The following HAT1 variants were observed in gnomAD, a reference collection of about 807,000 sequenced individuals.
The protein encoded by HAT1 is histone acetyltransferase 1.
A neutral mutation model predicts 56.6 loss-of-function variants in HAT1; 20 were observed. The observed-to-expected ratio is 0.35, with a 90% CI of 0.25 to 0.51. The LOEUF (loss-of-function observed/expected upper bound fraction) is 0.51, where lower values mean the gene tolerates loss of function less well. Ranked by LOEUF, HAT1 falls within the 20% of genes least tolerant of loss-of-function variation. The pLI is 0.95. For synonymous variants in HAT1, 146 were observed against 165.5 expected (o/e 0.88, Z 0.91); for missense variants, 408 against 504.3 (o/e 0.81, Z 1.83).
chr2:171,979,148 C>CT, intron 9 of HAT1, 99 bp from the exon 10 acceptor site: 5 of 680,692 alleles, frequency 7.3e-6, no homozygotes. Context: ...AGCACAATTC[C>CT]TTGCTCATGG....
intron 10 of HAT1, chr2:171,980,027 G>C (rs1688093543): frequency 6.6e-6 from 1 of 152,120 alleles, no homozygotes; most frequent in South Asian, 2.1e-4. Flanking sequence ...TGAGGCACGA[G>C]AATCACTTGA....
chr2:171,972,033 A>G (rs1687826459), intron 8 of HAT1, among the ~76,000 whole-genome samples: 2 of 152,174 alleles, frequency 1.3e-5, no homozygotes, highest in Admixed American at 6.5e-5. Flanking sequence ...CAAACTCATC[A>G]GTGCTCAACC....
At chr2:171,958,191 G>A (rs1362714389) in intron 4 of HAT1, among the ~76,000 whole-genome samples, 1 of 152,034 alleles carries the variant, frequency 6.6e-6, no homozygotes, top group Non-Finnish European at 1.5e-5. Flanking sequence ...TAAATAATCA[G>A]TATTGTACTA....
rs1687109761 is a variant in HAT1, at chr2:171,944,559, G to A, written c.113-2149G>A. ...ACCAAATGCAGATAGAAAGTACAGT[G>A]GGACACCAGACAGAACTACAGGACT... is the stretch of plus-strand genomic sequence containing the variant. On this transcript the variant is annotated intron_variant, in intron 2 of 10. Coordinates refer to ENST00000264108, the MANE Select transcript of HAT1 (RefSeq NM_003642.4). 3.3e-5 allele frequency among the ~76,000 whole-genome samples: 5 copies of A among 152,278 alleles called. No homozygotes were observed. The South Asian group carries it at 1.0e-3, about 32-fold the overall frequency.
chr2:171,955,379 A>G (rs767721584), intron 4 of HAT1, among the ~76,000 whole-genome samples: 2 of 152,116 alleles, frequency 1.3e-5, no homozygotes, highest in Non-Finnish European at 2.9e-5. Context: ...TAGAAGGCCA[A>G]GGCGGGAGGA....
At chr2:171,969,511 A>G (rs185170422) in intron 8 of HAT1, among the ~76,000 whole-genome samples, 62 of 152,324 alleles carry the variant, frequency 4.1e-4, no homozygotes, top group Non-Finnish European at 7.9e-4. Context: ...ATCATTGTAG[A>G]TTTAAATTCA....
chr2:171,970,136 G>C (rs187966997), intron 8 of HAT1, among the ~76,000 whole-genome samples: 19 of 152,216 alleles, frequency 1.2e-4, no homozygotes, highest in African/African-American at 4.6e-4. Flanking sequence ...CTCCAGCTAG[G>C]GGGACAGAGC....
chr2:171,969,344 A>C (rs1334391696), intron 8 of HAT1, among the ~76,000 whole-genome samples: 1 of 152,138 alleles, frequency 6.6e-6, no homozygotes. Context: ...TATTATGTGA[A>C]TTGTTTATAA....
At chr2:171,966,578 A>G (rs1465120571) in intron 7 of HAT1, 65 bp downstream of exon 7, 8 of 803,620 alleles carry the variant, frequency 1.0e-5, no homozygotes, top group South Asian at 4.1e-5. Context: ...GAAGTTTCCA[A>G]TACTTGTTAT....
chr2:171,980,596 C>T (rs1336468953), intron 10 of HAT1: 2 of 152,194 alleles, frequency 1.3e-5, no homozygotes, highest in African/African-American at 4.8e-5. Flanking sequence ...TGGCTCATGC[C>T]TGTAATCCCA....
rs587686867 is a variant in HAT1 at position 171,953,626 on chromosome 2, TA to T, written c.309+654del. Among the ~76,000 whole-genome samples, 299 of 84,516 alleles carry T rather than the reference TA, an allele frequency of 3.5e-3. 2 individuals carry two copies. Among genetic ancestry groups the T allele is most frequent in the East Asian group, 0.013 (20 of 1,542 alleles). The allele number at this position is 84,516 out of a possible 152,430, so 55.4% of individuals were successfully genotyped here. On this transcript the variant is annotated intron_variant, in intron 4 of 10. Coordinates refer to ENST00000264108, the MANE Select transcript of HAT1 (RefSeq NM_003642.4). Reference sequence around the variant, plus strand: ...GGCAACAGAACAAGACCCTGTCTCTTAAAAAAAAAAAAAAAAAAAAAAAAAA... The same window carrying T: ...GGCAACAGAACAAGACCCTGTCTCTTAAAAAAAAAAAAAAAAAAAAAAAAA...
At position 171,966,969 on chromosome 2, in the gene HAT1, T is replaced by C. The variant is rs1687696646; in HGVS notation, c.823+20T>C. ...TTACAGGTATGTAAAATTTGATTTGTTACTGAAAGAGCCTTTCTAAAAATG... is the reference window on the plus strand; with the variant it reads ...TTACAGGTATGTAAAATTTGATTTGCTACTGAAAGAGCCTTTCTAAAAATG... On this transcript the variant is annotated intron_variant, in intron 8 of 10. Transcript: ENST00000264108. 1 of 1,026,540 alleles carries C rather than the reference T, an allele frequency of 9.7e-7. No individual in the cohort carries two copies. Among genetic ancestry groups the C allele is most frequent in the Admixed American group, 2.0e-5 (1 of 50,238 alleles). 63.6% of individuals were successfully genotyped at this position (1,026,540 alleles called of 1,614,324 possible).
chr2:171,945,539 G>T (rs1687140263), intron 2 of HAT1, among the ~76,000 whole-genome samples: 1 of 149,708 alleles, frequency 6.7e-6, no homozygotes, highest in South Asian at 2.1e-4. Context: ...TGTCGCCCAG[G>T]CTGGAGTGCA....
At chr2:171,935,048 G>A (rs962936994) in intron 2 of HAT1, among the ~76,000 whole-genome samples, 8 of 151,290 alleles carry the variant, frequency 5.3e-5, no homozygotes, top group South Asian at 2.1e-4. Flanking sequence ...GAGCCACCGC[G>A]CCTGGCCTAG....
At chr2:171,975,356 C>T (rs1472198044) in intron 8 of HAT1, among the ~76,000 whole-genome samples, 1 of 152,086 alleles carries the variant, frequency 6.6e-6, no homozygotes, top group Non-Finnish European at 1.5e-5. Flanking sequence ...CCGCCCGCCT[C>T]AGCCTTCCAA....
chr2:171,928,582 C>G (rs760147041), intron 2 of HAT1, among the ~76,000 whole-genome samples: 4 of 152,288 alleles, frequency 2.6e-5, no homozygotes, highest in Non-Finnish European at 4.4e-5. Context: ...GATTGCGGCT[C>G]AATGCGATCT....
chr2:171,935,000 T>C (rs1184169432), intron 2 of HAT1, among the ~76,000 whole-genome samples: 1 of 150,542 alleles, frequency 6.6e-6, no homozygotes, highest in African/African-American at 2.4e-5. Context: ...AAGTGATCCA[T>C]CTGCCTCGGC....
intron 4 of HAT1, among the ~76,000 whole-genome samples, chr2:171,958,923 C>A (rs886595942): frequency 1.3e-5 from 2 of 152,112 alleles, no homozygotes; most frequent in African/African-American, 4.8e-5. Context: ...TGAAAAAGAT[C>A]TGAAGTAGTT....
Position 171,960,497 on chromosome 2 carries a change from TTTC to T in HAT1, c.310-4838_310-4836del, listed in dbSNP as rs747974924. On this transcript the variant is annotated intron_variant, in intron 4 of 10. Transcript: ENST00000264108. ...AGCCATAACATCTGCTTAGAAGTTA[TTTC>T]TTATTAGGATTATGTCATTACATTA... Among the ~76,000 whole-genome samples, 7 of 152,316 alleles carry T rather than the reference TTTC, an allele frequency of 4.6e-5. No homozygotes were observed. In the East Asian group the frequency reaches 9.6e-4, roughly 21 times the overall value.
Sources: allele counts gnomAD v4.1 joint callset (sites outside exome capture counted in the v4.1 genomes callset), GRCh38; gene constraint gnomAD v4.1.1; transcripts MANE v1.5; gene names NCBI Gene and HGNC (gene_info 2026-07-23, HGNC 2026-07-21).